The following DTD1 variants were observed in gnomAD, a reference collection of about 807,000 sequenced individuals.
The protein encoded by DTD1 is D-tyrosyl-tRNA deacylase 1 homolog.
In DTD1, 13 loss-of-function variants were observed where a neutral mutation model predicts 25.6. The ratio of observed to expected loss-of-function variants is 0.51; its 90% CI spans 0.33 to 0.81. The LOEUF is 0.81. Ranked by LOEUF, DTD1 falls within the 30% of genes least tolerant of loss-of-function variation. The probability of loss-of-function intolerance (pLI) is 0.02; values close to 1 mark genes in which losing one functional copy is unlikely to be tolerated. For missense variants in DTD1, 193 were observed against 266.4 expected, an observed-to-expected ratio of 0.72 and a Z score of 1.92; for synonymous variants, 110 against 103.6, an observed-to-expected ratio of 1.06 and a Z score of -0.37.
At chr20:18,761,687 G>A (rs1600228381) in intron 5 of DTD1, among the ~76,000 whole-genome samples, 1 of 152,190 alleles carries the variant, frequency 6.6e-6, no homozygotes, top group African/African-American at 2.4e-5. Context: ...CTCATCTTAA[G>A]TTCAAAAACA....
intron 4 of DTD1, among the ~76,000 whole-genome samples, chr20:18,703,737 T>TG (rs1026403724): frequency 3.3e-5 from 5 of 151,982 alleles, no homozygotes; most frequent in African/African-American, 1.2e-4. Context: ...AGTTTTTTTT[T>TG]TTGTTTCTGT....
chr20:18,686,176 C>G (rs948638662), intron 4 of DTD1, among the ~76,000 whole-genome samples: 2 of 152,216 alleles, frequency 1.3e-5, no homozygotes, highest in African/African-American at 4.8e-5. Context: ...TATAGAATAT[C>G]CACCATAGTT....
intron 4 of DTD1, among the ~76,000 whole-genome samples, chr20:18,708,264 T>A (rs56143121): frequency 1.1e-3 from 17 of 15,702 alleles, no homozygotes; most frequent in South Asian, 2.0e-3. Context: ...ATATATATAT[T>A]TTATATATAT....
chr20:18,624,678 C>G (rs1277926624), intron 3 of DTD1, among the ~76,000 whole-genome samples: 1 of 152,152 alleles, frequency 6.6e-6, no homozygotes, highest in Non-Finnish European at 1.5e-5. Context: ...AACCATATAG[C>G]CTTCAACCCT....
At chr20:18,680,186 T>C (rs1284321069) in intron 4 of DTD1, among the ~76,000 whole-genome samples, 1 of 152,088 alleles carries the variant, frequency 6.6e-6, no homozygotes. Context: ...TTTTGCAGAT[T>C]ATCAAATCAC....
At chr20:18,757,531 A>G (rs1372832146) in intron 5 of DTD1, among the ~76,000 whole-genome samples, 7 of 152,184 alleles carry the variant, frequency 4.6e-5, no homozygotes, top group Admixed American at 4.6e-4. Flanking sequence ...TGAGATAATC[A>G]TGTGGTTTTT....
intron 4 of DTD1, among the ~76,000 whole-genome samples, chr20:18,718,253 G>A (rs1897703719): frequency 6.6e-6 from 1 of 152,206 alleles, no homozygotes; most frequent in Admixed American, 6.5e-5. Context: ...AATTAGTTAA[G>A]TTAGTTGGAG....
chr20:18,625,018 C>T (rs1162439271), intron 3 of DTD1, among the ~76,000 whole-genome samples: 1 of 152,204 alleles, frequency 6.6e-6, no homozygotes, highest in Non-Finnish European at 1.5e-5. Flanking sequence ...GTCCTCCAAT[C>T]CTTCTTGCTA....
chr20:18,708,263 T>TA (rs1568676838), intron 4 of DTD1, among the ~76,000 whole-genome samples: 7 of 24,036 alleles, frequency 2.9e-4, no homozygotes, highest in African/African-American at 5.8e-4. Context: ...TATATATATA[T>TA]TTTATATATA....
At chr20:18,761,675 A>T (rs1156899657) in intron 5 of DTD1, among the ~76,000 whole-genome samples, 2 of 152,230 alleles carry the variant, frequency 1.3e-5, no homozygotes, top group Admixed American at 1.3e-4. Context: ...AGGATTCCAA[A>T]GCTCATCTTA....
intron 4 of DTD1, among the ~76,000 whole-genome samples, chr20:18,717,770 C>T (rs574548164): frequency 1.3e-5 from 2 of 152,236 alleles, no homozygotes; most frequent in South Asian, 2.1e-4. Context: ...GGACTGTCCC[C>T]TCAGAAAACT....
rs2061311891 is a variant in DTD1, at chr20:18,749,097, AG to A, written c.*19+4829del. On this transcript the variant is annotated intron_variant, in intron 5 of 5. Coordinates refer to ENST00000377452, the MANE Select transcript of DTD1 (RefSeq NM_080820.6). This position sits in a 1 kb window ranked among gnomAD's most constrained non-coding sequence, Gnocchi z 4.2. ...TAGGAGACTCAGCGGGAAGGAGCAGAGGGACAGATGGAGGGGAAGCTGAAGG... is the reference window on the plus strand; with the variant it reads ...TAGGAGACTCAGCGGGAAGGAGCAGAGGACAGATGGAGGGGAAGCTGAAGG... 6.6e-6 allele frequency among the ~76,000 whole-genome samples: 1 copy of A among 152,112 alleles called. No homozygotes were observed. Among genetic ancestry groups the A allele is most frequent in the South Asian group, 2.1e-4 (1 of 4,818 alleles).
intron 5 of DTD1, among the ~76,000 whole-genome samples, chr20:18,757,961 T>A (rs1168852156): frequency 6.6e-6 from 1 of 152,358 alleles, no homozygotes; most frequent in East Asian, 1.9e-4. Flanking sequence ...CTGTTATTGG[T>A]CTATTCAGAG....
chr20:18,670,359 G>A (rs6075391), intron 4 of DTD1, among the ~76,000 whole-genome samples: 54,978 of 151,962 alleles, frequency 0.36, 10,262 homozygotes, highest in Non-Finnish European at 0.41. Context: ...GGAATGCTGA[G>A]GCAGGAGAAT....
At chr20:18,611,326 T>C (rs981918443) in intron 3 of DTD1, among the ~76,000 whole-genome samples, 1 of 152,246 alleles carries the variant, frequency 6.6e-6, no homozygotes, top group African/African-American at 2.4e-5. Context: ...ACTTGCTGTC[T>C]TTTGCTTAAT....
chr20:18,643,901 T>C lies in DTD1; in HGVS notation c.477+15668T>C, dbSNP rs374189080. On this transcript the variant is annotated intron_variant, in intron 4 of 5. Coordinates refer to ENST00000377452, the MANE Select transcript of DTD1 (RefSeq NM_080820.6). Reference sequence around the variant, plus strand: ...GTACATGCACTTGTATGTGCACAGGTGCTTGAAAGAAATGGTCCTATATTG... The same window carrying C: ...GTACATGCACTTGTATGTGCACAGGCGCTTGAAAGAAATGGTCCTATATTG... 1.1e-4 allele frequency among the ~76,000 whole-genome samples: 16 copies of C among 152,306 alleles called. No homozygotes were observed. In the East Asian group the frequency reaches 2.5e-3, roughly 24 times the overall value.
At chr20:18,670,338 C>A (rs2086538114) in intron 4 of DTD1, among the ~76,000 whole-genome samples, 1 of 152,114 alleles carries the variant, frequency 6.6e-6, no homozygotes, top group Non-Finnish European at 1.5e-5. Flanking sequence ...CGCCTGTAAT[C>A]CCAGCTACTT....
chr20:18,758,841 C>T (rs958942336), intron 5 of DTD1, among the ~76,000 whole-genome samples: 4 of 152,132 alleles, frequency 2.6e-5, no homozygotes, highest in African/African-American at 4.8e-5. Flanking sequence ...CTTTCTGTCT[C>T]GTTGATCTGT....
chr20:18,693,964 G>A (rs570374705), intron 4 of DTD1, among the ~76,000 whole-genome samples: 1 of 152,332 alleles, frequency 6.6e-6, no homozygotes, highest in South Asian at 2.1e-4. Flanking sequence ...CACGTTTCAA[G>A]TGCTCAGTAG....
Sources: allele counts gnomAD v4.1 joint callset (sites outside exome capture counted in the v4.1 genomes callset), GRCh38; gene constraint gnomAD v4.1.1; non-coding constraint Gnocchi (gnomAD v3.1); transcripts MANE v1.5; gene names NCBI Gene and HGNC (gene_info 2026-07-23, HGNC 2026-07-21).